Variants in SCHIP1 observed in about 807,000 individuals in gnomAD.
The protein encoded by SCHIP1 is schwannomin-interacting protein 1.
SCHIP1 carries 8 observed loss-of-function variants against 29.7 expected under a neutral mutation model. The observed-to-expected ratio is 0.27, with a 90% CI of 0.16 to 0.49. The LOEUF is 0.49. SCHIP1 is among the 20% of genes least tolerant of loss of function. SCHIP1 has a pLI of 0.99. For missense variants in SCHIP1, 193 were observed against 294.6 expected, an observed-to-expected ratio of 0.66 and a Z score of 2.52; for synonymous variants, 76 against 94.9, an observed-to-expected ratio of 0.80 and a Z score of 1.16.
chr3:159,740,840 A>G, the SCHIP1 span, among the ~76,000 whole-genome samples: 316 of 149,816 alleles, frequency 2.1e-3, 3 homozygotes, highest in African/African-American at 7.3e-3. Context: ...TTAATTAGGT[A>G]TGCACATTTG....
At chr3:159,388,111 T>C in the SCHIP1 span, among the ~76,000 whole-genome samples, 1 of 151,876 alleles carries the variant, frequency 6.6e-6, no homozygotes, top group Admixed American at 6.6e-5. Flanking sequence ...GGCAGTGGAA[T>C]AAAAAAGCAA....
the SCHIP1 span, among the ~76,000 whole-genome samples, chr3:159,595,829 C>T: frequency 1.3e-5 from 2 of 152,098 alleles, no homozygotes; most frequent in Non-Finnish European, 2.9e-5. Context: ...ACGAACCAAA[C>T]AACACAACTG....
At chr3:159,685,262 A>G in the SCHIP1 span, among the ~76,000 whole-genome samples, 12 of 152,228 alleles carry the variant, frequency 7.9e-5, no homozygotes, top group African/African-American at 2.7e-4. Flanking sequence ...GCATTTTCCC[A>G]TAGGACTTAT....
the SCHIP1 span, among the ~76,000 whole-genome samples, chr3:159,576,320 T>C: frequency 2.0e-5 from 3 of 152,222 alleles, no homozygotes; most frequent in East Asian, 5.8e-4. Context: ...CTCTTAGCAC[T>C]CTGAACACAG....
the SCHIP1 span, among the ~76,000 whole-genome samples, chr3:159,756,920 G>C: frequency 2.0e-5 from 3 of 152,196 alleles, no homozygotes; most frequent in East Asian, 3.9e-4. Flanking sequence ...ATCTCCATCT[G>C]AGACCACTTC....
At chr3:159,425,737 A>G in the SCHIP1 span, among the ~76,000 whole-genome samples, 2 of 152,248 alleles carry the variant, frequency 1.3e-5, no homozygotes, top group Non-Finnish European at 2.9e-5. Flanking sequence ...AATAGAATAT[A>G]CATTTTGTTC....
chr3:159,686,132 A>G, the SCHIP1 span, among the ~76,000 whole-genome samples: 6 of 152,352 alleles, frequency 3.9e-5, no homozygotes, highest in Middle Eastern at 3.4e-3. Context: ...CACCAGAGGT[A>G]AGCCCATTCC....
At chr3:159,704,073 G>A in the SCHIP1 span, among the ~76,000 whole-genome samples, 13 of 152,188 alleles carry the variant, frequency 8.5e-5, no homozygotes, top group South Asian at 2.1e-3. Context: ...TCTTTCCTAC[G>A]TTGAGTGCCA....
At chr3:159,413,955 T>C in the SCHIP1 span, among the ~76,000 whole-genome samples, 2 of 152,180 alleles carry the variant, frequency 1.3e-5, no homozygotes, top group South Asian at 4.1e-4. Flanking sequence ...GCAACCAACA[T>C]GTAAGACACC....
At chr3:159,467,165 G>T in the SCHIP1 span, among the ~76,000 whole-genome samples, 8 of 151,900 alleles carry the variant, frequency 5.3e-5, no homozygotes, top group African/African-American at 1.9e-4. Context: ...TCAAAAATAT[G>T]CAATATGCCA....
the SCHIP1 span, among the ~76,000 whole-genome samples, chr3:159,418,869 G>A: frequency 1.4e-3 from 215 of 152,302 alleles, no homozygotes; most frequent in Non-Finnish European, 1.9e-3. Flanking sequence ...TTTGATGTTA[G>A]GTAATGAAAA....
chr3:159,749,797 T>G, the SCHIP1 span, among the ~76,000 whole-genome samples: 1 of 152,180 alleles, frequency 6.6e-6, no homozygotes, highest in East Asian at 1.9e-4. Flanking sequence ...AATAAAGGTA[T>G]TCTTTGGAGT....
the SCHIP1 span, among the ~76,000 whole-genome samples, chr3:159,317,762 G>A: frequency 2.6e-5 from 4 of 152,194 alleles, no homozygotes; most frequent in Non-Finnish European, 5.9e-5. Flanking sequence ...AATGCTGTGT[G>A]GAATACTATG....
chr3:159,761,477 A>G, the SCHIP1 span, among the ~76,000 whole-genome samples: 2 of 152,252 alleles, frequency 1.3e-5, no homozygotes, highest in East Asian at 1.9e-4. Flanking sequence ...AAACAGGAAG[A>G]CAGAATCTTT....
At chr3:159,660,626 A>T in the SCHIP1 span, among the ~76,000 whole-genome samples, 1 of 152,182 alleles carries the variant, frequency 6.6e-6, no homozygotes. Context: ...ATGTTTTTTT[A>T]AAAAACTACG....
the SCHIP1 span, among the ~76,000 whole-genome samples, chr3:159,477,756 G>C: frequency 6.6e-6 from 1 of 151,828 alleles, no homozygotes; most frequent in African/African-American, 2.4e-5. Flanking sequence ...TGTTTCCTTT[G>C]CTGTGCAAAA....
the SCHIP1 span, among the ~76,000 whole-genome samples, chr3:159,732,604 T>A: frequency 6.6e-6 from 1 of 152,166 alleles, no homozygotes; most frequent in African/African-American, 2.4e-5. Context: ...TGAGGATGCA[T>A]CTAACTTCCT....
chr3:159,754,498 A>T, the SCHIP1 span, among the ~76,000 whole-genome samples: 1 of 152,194 alleles, frequency 6.6e-6, no homozygotes, highest in Non-Finnish European at 1.5e-5. Flanking sequence ...TTGGAAGTTT[A>T]TTTAAATATC....
the SCHIP1 span, among the ~76,000 whole-genome samples, chr3:159,378,515 A>G: frequency 2.6e-5 from 4 of 152,212 alleles, no homozygotes; most frequent in Admixed American, 2.6e-4. Context: ...TCGCACAGAC[A>G]AAAGCTCTTT....
Sources: gnomAD v4.1 joint callset for allele counts (sites outside exome capture counted in the v4.1 genomes callset) on GRCh38, gnomAD v4.1.1 for gene constraint, MANE v1.5 for transcripts, NCBI Gene and HGNC (gene_info 2026-07-23, HGNC 2026-07-21) for gene names.